PROS1: variants seen among roughly 807,000 people sequenced by gnomAD.
The protein encoded by PROS1 is vitamin K-dependent protein S.
A neutral mutation model predicts 75.9 loss-of-function variants in PROS1; 29 were observed. That is an observed-to-expected ratio of 0.38 (90% CI 0.28 to 0.52). The LOEUF is 0.52. Ranked by LOEUF, PROS1 falls within the 20% of genes least tolerant of loss-of-function variation. The pLI is 0.83. For synonymous variants in PROS1, 245 were observed against 280.6 expected (o/e 0.87, Z 1.27); for missense variants, 680 against 810.3 (o/e 0.84, Z 1.95).
At chr3:93,945,478 A>C (rs1709374252) in intron 1 of PROS1, among the ~76,000 whole-genome samples, 1 of 152,236 alleles carries the variant, frequency 6.6e-6, no homozygotes, top group African/African-American at 2.4e-5. Context: ...AGTGGGGTTC[A>C]TCCCTGGAAT....
chr3:93,917,805 G>T (rs1290741663), intron 3 of PROS1, among the ~76,000 whole-genome samples: 3 of 152,140 alleles, frequency 2.0e-5, no homozygotes, highest in African/African-American at 7.2e-5. Flanking sequence ...TTCTCGCCAG[G>T]CCTTAGCTGC....
At chr3:93,906,919 G>T (rs8178630) in intron 4 of PROS1, among the ~76,000 whole-genome samples, 49,613 of 152,160 alleles carry the variant, frequency 0.33, 10,091 homozygotes, top group East Asian at 0.52. Flanking sequence ...TCCAGTCTTT[G>T]GGCTCCAACA....
intron 3 of PROS1, among the ~76,000 whole-genome samples, chr3:93,919,486 A>G (rs1708912772): frequency 1.3e-5 from 2 of 151,974 alleles, no homozygotes. Context: ...AAAAAAATAA[A>G]CATTTATAAA....
At chr3:93,901,320 C>T (rs943297425) in intron 6 of PROS1, among the ~76,000 whole-genome samples, 4 of 152,110 alleles carry the variant, frequency 2.6e-5, no homozygotes, top group African/African-American at 9.7e-5. Flanking sequence ...TGGAAATGAA[C>T]AAACATCTAA....
At chr3:93,945,819 CA>C (rs1160920497) in intron 1 of PROS1, among the ~76,000 whole-genome samples, 1 of 152,084 alleles carries the variant, frequency 6.6e-6, no homozygotes, top group African/African-American at 2.4e-5. Context: ...GGCAATTGGG[CA>C]GGAGAAGGAA....
intron 7 of PROS1, 119 bp downstream of exon 7, chr3:93,900,685 T>C: frequency 1.3e-5 from 18 of 1,372,292 alleles, no homozygotes; most frequent in Non-Finnish European, 1.7e-5. Flanking sequence ...TTGAACAAGC[T>C]ATATTAGGGA....
chr3:93,890,580 C>G (rs1708417608), intron 10 of PROS1, among the ~76,000 whole-genome samples: 1 of 152,170 alleles, frequency 6.6e-6, no homozygotes, highest in Admixed American at 6.5e-5. Flanking sequence ...TAAAATTTCT[C>G]TCTTTGTACT....
intron 1 of PROS1, among the ~76,000 whole-genome samples, chr3:93,946,336 C>T (rs1168729221): frequency 6.6e-6 from 1 of 152,150 alleles, no homozygotes; most frequent in Non-Finnish European, 1.5e-5. Context: ...AAAAAAGAGC[C>T]CGCATTGCCA....
At chr3:93,885,684 G>C (rs1576176359) in intron 11 of PROS1, among the ~76,000 whole-genome samples, 1 of 152,172 alleles carries the variant, frequency 6.6e-6, no homozygotes, top group East Asian at 1.9e-4. Context: ...GATACTTTTT[G>C]AATAATTTAT....
intron 9 of PROS1, among the ~76,000 whole-genome samples, chr3:93,894,386 A>G (rs1235860715): frequency 6.6e-6 from 1 of 152,102 alleles, no homozygotes; most frequent in African/African-American, 2.4e-5. Context: ...AAAAAGAACA[A>G]TTTTGCTTGG....
intron 1 of PROS1, among the ~76,000 whole-genome samples, chr3:93,947,444 G>C (rs1709422155): frequency 6.6e-6 from 1 of 152,088 alleles, no homozygotes; most frequent in African/African-American, 2.4e-5. Context: ...TAAAGATAGG[G>C]ATAACATCAT....
rs1301914507 is a variant in PROS1 at position 93,973,887 on chromosome 3, T to G, written c.-138A>C. The G allele has an allele frequency of 3.4e-6, 2 of 592,254 alleles. No individual in the cohort carries two copies. Among genetic ancestry groups the G allele is most frequent in the African/African-American group, 2.0e-5 (1 of 50,602 alleles). 36.7% of individuals were successfully genotyped at this position (592,254 alleles called of 1,614,324 possible). A position where few individuals can be genotyped will look rare whatever the true frequency, so the allele number is the denominator to read the frequency against. On this transcript the variant is annotated 5_prime_UTR_variant, in exon 1 of 15. Transcript: ENST00000394236. ...GGCGGCGCCAGCGACCCAGCGAGCC[T>G]CGGCGGAACAGCCGGGGGCGGAGGA...
chr3:93,905,957 C>A, intron 5 of PROS1, 42 bp from the exon 6 acceptor site: 5 of 1,613,088 alleles, frequency 3.1e-6, no homozygotes, highest in Non-Finnish European at 4.2e-6. Context: ...AGTAATATAA[C>A]CTGCAGAGAA....
intron 14 of PROS1, among the ~76,000 whole-genome samples, chr3:93,875,134 G>C (rs867524828): frequency 8.6e-5 from 13 of 152,016 alleles, no homozygotes; most frequent in African/African-American, 3.1e-4. Flanking sequence ...ATGACTGTGA[G>C]CTCATAGCAT....
chr3:93,906,576 G>T (rs572621622), intron 4 of PROS1, among the ~76,000 whole-genome samples: 2 of 152,340 alleles, frequency 1.3e-5, no homozygotes, highest in East Asian at 3.9e-4. Context: ...TAGAGGCATG[G>T]CCAGGGCTGC....
intron 1 of PROS1, among the ~76,000 whole-genome samples, chr3:93,955,200 A>T (rs1709578664): frequency 6.6e-6 from 1 of 152,192 alleles, no homozygotes; most frequent in South Asian, 2.1e-4. Flanking sequence ...TAGAAATACC[A>T]ATTGACCCAG....
chr3:93,903,533 G>A (rs1380806807), intron 6 of PROS1, among the ~76,000 whole-genome samples: 1 of 152,052 alleles, frequency 6.6e-6, no homozygotes, highest in Non-Finnish European at 1.5e-5. Flanking sequence ...AGCCAGGCAT[G>A]GTGGTGCACA....
At chr3:93,893,873 C>T (rs1336842409) in intron 9 of PROS1, among the ~76,000 whole-genome samples, 1 of 152,160 alleles carries the variant, frequency 6.6e-6, no homozygotes, top group Non-Finnish European at 1.5e-5. Flanking sequence ...CTGGCAACAT[C>T]TGTTGCTATT....
rs1708170471 is a variant in PROS1, at chr3:93,875,608, C to T, written c.1871-1203G>A. On this transcript the variant is annotated intron_variant, in intron 14 of 14. Transcript: ENST00000394236. ...ATAATTTTACTCCCTAATAATTAGG[C>T]ATGCTCACTACTTACCTCTATCTAT... is the stretch of plus-strand genomic sequence containing the variant. Among the ~76,000 whole-genome samples, 5 of 151,054 alleles carry T rather than the reference C, an allele frequency of 3.3e-5. No individual in the cohort carries two copies. In the Admixed American group the frequency reaches 3.3e-4, roughly 10 times the overall value.
Sources: allele counts gnomAD v4.1 joint callset (sites outside exome capture counted in the v4.1 genomes callset), GRCh38; gene constraint gnomAD v4.1.1; transcripts MANE v1.5; gene names NCBI Gene and HGNC (gene_info 2026-07-23, HGNC 2026-07-21).